Variants in ERBB4 observed in about 807,000 individuals in gnomAD.
The protein encoded by ERBB4 is erb-b2 receptor tyrosine kinase 4, also known as receptor tyrosine-protein kinase erbB-4.
In ERBB4, 42 loss-of-function variants were observed where a neutral mutation model predicts 158.0. The observed-to-expected ratio is 0.27, with a 90% CI of 0.21 to 0.34. The LOEUF (loss-of-function observed/expected upper bound fraction) is 0.34. ERBB4 is among the 10% of genes least tolerant of loss of function. ERBB4 has a pLI of 1.00. For missense variants in ERBB4, 1,333 were observed against 1,624.1 expected, an observed-to-expected ratio of 0.82 and a Z score of 3.08; for synonymous variants, 583 against 558.7, an observed-to-expected ratio of 1.04 and a Z score of -0.61.
intron 20 of ERBB4, among the ~76,000 whole-genome samples, chr2:211,515,798 G>T (rs563530102): frequency 1.3e-5 from 2 of 150,198 alleles, no homozygotes; most frequent in East Asian, 3.9e-4. Context: ...ATTGGGAAAT[G>T]CACAGAGGAA....
chr2:212,435,346 T>A (rs549437930), intron 1 of ERBB4, among the ~76,000 whole-genome samples: 1 of 152,082 alleles, frequency 6.6e-6, no homozygotes, highest in East Asian at 1.9e-4. Flanking sequence ...CTGAGTAGCC[T>A]CCAAGACTTA....
intron 20 of ERBB4, among the ~76,000 whole-genome samples, chr2:211,555,835 GA>G (rs2067222225): frequency 6.6e-6 from 1 of 152,160 alleles, no homozygotes; most frequent in African/African-American, 2.4e-5. Context: ...ACTAAATGTG[GA>G]AAAGAAAGAC....
intron 14 of ERBB4, among the ~76,000 whole-genome samples, chr2:211,670,596 G>A (rs1446657109): frequency 2.6e-5 from 4 of 152,104 alleles, no homozygotes; most frequent in Non-Finnish European, 4.4e-5. Context: ...TAAGCACATT[G>A]AGACTGGATG....
intron 2 of ERBB4, among the ~76,000 whole-genome samples, chr2:212,048,141 G>C (rs2077305623): frequency 6.6e-6 from 1 of 152,178 alleles, no homozygotes; most frequent in African/African-American, 2.4e-5. Context: ...AATGGAAAGA[G>C]TGCCTCAGCT....
intron 19 of ERBB4, among the ~76,000 whole-genome samples, chr2:211,573,495 C>T (rs1180317433): frequency 6.6e-6 from 1 of 151,818 alleles, no homozygotes; most frequent in Non-Finnish European, 1.5e-5. Context: ...ACGGTAAAAC[C>T]CTGTCTCTAC....
At chr2:211,932,122 T>G (rs1300528584) in intron 3 of ERBB4, among the ~76,000 whole-genome samples, 1 of 152,066 alleles carries the variant, frequency 6.6e-6, no homozygotes, top group African/African-American at 2.4e-5. Flanking sequence ...GAAATATTGT[T>G]TTTATAATCT....
chr2:211,668,779 T>C (rs1358105042), intron 14 of ERBB4, among the ~76,000 whole-genome samples: 1 of 152,172 alleles, frequency 6.6e-6, no homozygotes, highest in Non-Finnish European at 1.5e-5. Context: ...ATGAGATAAC[T>C]AGTGCTTAAG....
intron 20 of ERBB4, among the ~76,000 whole-genome samples, chr2:211,459,240 C>CA (rs1553538852): frequency 6.6e-6 from 1 of 151,934 alleles, no homozygotes; most frequent in African/African-American, 2.4e-5. Context: ...AATCTTGTTC[C>CA]AAAAAAAGAT....
At chr2:212,174,809 C>T (rs184867993) in intron 1 of ERBB4, among the ~76,000 whole-genome samples, 3 of 151,994 alleles carry the variant, frequency 2.0e-5, no homozygotes, top group East Asian at 1.9e-4. Flanking sequence ...TTCCCAACAC[C>T]GCTCTCTTAA....
intron 1 of ERBB4, among the ~76,000 whole-genome samples, chr2:212,249,592 A>G (rs2084452602): frequency 6.6e-6 from 1 of 151,964 alleles, no homozygotes; most frequent in South Asian, 2.1e-4. Flanking sequence ...AAAACACCAT[A>G]GAATTAAAAC....
chr2:211,626,423 T>C (rs1273208922), intron 17 of ERBB4, among the ~76,000 whole-genome samples: 1 of 152,170 alleles, frequency 6.6e-6, no homozygotes, highest in Non-Finnish European at 1.5e-5. Context: ...ATTCAACAAA[T>C]GTTCACTTCT....
At chr2:211,860,512 T>C (rs2077983973) in intron 3 of ERBB4, among the ~76,000 whole-genome samples, 1 of 152,122 alleles carries the variant, frequency 6.6e-6, no homozygotes, top group Middle Eastern at 3.2e-3. Context: ...TCCCTGGGTT[T>C]TATTGTACAC....
At chr2:212,497,036 C>A (rs1690614355) in intron 1 of ERBB4, among the ~76,000 whole-genome samples, 1 of 151,618 alleles carries the variant, frequency 6.6e-6, no homozygotes, top group African/African-American at 2.4e-5. Context: ...TGAAAATTAG[C>A]TGGTGGTGGC....
chr2:211,610,127 TTA>T (rs2069137929), intron 19 of ERBB4, among the ~76,000 whole-genome samples: 1 of 152,172 alleles, frequency 6.6e-6, no homozygotes, highest in Admixed American at 6.5e-5. Flanking sequence ...AAGAGAATTT[TTA>T]TCTTTTATCC....
At chr2:211,411,680 T>C (rs1047384535) in intron 25 of ERBB4, among the ~76,000 whole-genome samples, 2 of 152,196 alleles carry the variant, frequency 1.3e-5, no homozygotes, top group Non-Finnish European at 2.9e-5. Context: ...ACTGGTCAAC[T>C]GGAATGACCA....
At chr2:211,873,529 A>G (rs531077885) in intron 3 of ERBB4, among the ~76,000 whole-genome samples, 52 of 152,316 alleles carry the variant, frequency 3.4e-4, no homozygotes, top group Non-Finnish European at 1.3e-4. Context: ...AGATATTTTC[A>G]CTATTTACAT....
chr2:212,450,019 G>T (rs1421682899), intron 1 of ERBB4, among the ~76,000 whole-genome samples: 1 of 152,120 alleles, frequency 6.6e-6, no homozygotes, highest in Admixed American at 6.6e-5. Context: ...GTTTAAAAAG[G>T]AATGAATCAT....
At chr2:211,730,458 T>C (rs974385628) in intron 5 of ERBB4, among the ~76,000 whole-genome samples, 1 of 151,852 alleles carries the variant, frequency 6.6e-6, no homozygotes, top group African/African-American at 2.4e-5. Flanking sequence ...CCCCATCTCC[T>C]TCCTCTTTCC....
In ERBB4 at chr2:212,054,876, A is replaced by G. The variant is rs113618434; in HGVS notation, c.234+69876T>C. On this transcript the variant is annotated intron_variant, in intron 2 of 27. Transcript: ENST00000342788. ...GAGTCTACAGCTCCCAGCGTGAGCA[A>G]TGCAGAAGATGGGTGATTTCTGCAT... 3.9e-4 allele frequency among the ~76,000 whole-genome samples: 60 copies of G among 152,346 alleles called. 1 individual carries two copies. Among genetic ancestry groups the G allele is most frequent in the African/African-American group, 8.9e-4 (37 of 41,578 alleles).
Sources: gnomAD v4.1 joint callset for allele counts (sites outside exome capture counted in the v4.1 genomes callset) on GRCh38, gnomAD v4.1.1 for gene constraint, MANE v1.5 for transcripts, NCBI Gene and HGNC (gene_info 2026-07-23, HGNC 2026-07-21) for gene names.